CNTN5: variants seen among roughly 807,000 people sequenced by gnomAD.
The protein encoded by CNTN5 is contactin 5, also known as contactin-5.
A neutral mutation model predicts 129.1 loss-of-function variants in CNTN5; 77 were observed. The ratio of observed to expected loss-of-function variants is 0.60; its 90% CI spans 0.50 to 0.72. The LOEUF (loss-of-function observed/expected upper bound fraction) is 0.72. CNTN5 is among the 30% of genes least tolerant of loss of function. The pLI, the probability that CNTN5 is intolerant of heterozygous loss-of-function variation, is 0.00. For missense variants in CNTN5, 1,478 were observed against 1,328.8 expected (o/e 1.11, Z -1.75); for synonymous variants, 509 against 465.6 (o/e 1.09, Z -1.20).
intron 2 of CNTN5, among the ~76,000 whole-genome samples, chr11:99,427,467 A>G (rs1466603803): frequency 1.3e-5 from 2 of 152,156 alleles, no homozygotes; most frequent in African/African-American, 4.8e-5. Context: ...CTTTTGGATT[A>G]AAAGTGAAAA....
At chr11:100,319,921 CTG>C (rs1478625955) in intron 21 of CNTN5, among the ~76,000 whole-genome samples, 1 of 152,166 alleles carries the variant, frequency 6.6e-6, no homozygotes, top group Non-Finnish European at 1.5e-5. Flanking sequence ...TAGAATTTCG[CTG>C]TGTCTATATA....
chr11:99,459,531 G>A (rs372928048), intron 2 of CNTN5, among the ~76,000 whole-genome samples: 2 of 151,998 alleles, frequency 1.3e-5, no homozygotes, highest in African/African-American at 4.8e-5. Flanking sequence ...ACTGAGACTA[G>A]CATGAACTAT....
At chr11:99,530,964 C>T (rs1241644926) in intron 2 of CNTN5, among the ~76,000 whole-genome samples, 3 of 152,132 alleles carry the variant, frequency 2.0e-5, no homozygotes, top group Admixed American at 6.5e-5. Context: ...CCAGTAGAGT[C>T]GGGCGTTGCT....
At chr11:99,430,998 G>GTTT (rs11292397) in intron 2 of CNTN5, among the ~76,000 whole-genome samples, 24,454 of 139,128 alleles carry the variant, frequency 0.18, 2,382 homozygotes, top group Admixed American at 0.22. Context: ...TTTCCTGGCT[G>GTTT]TTTTTTTTTT....
chr11:99,163,979 A>T (rs1009601316), intron 1 of CNTN5, among the ~76,000 whole-genome samples: 2 of 152,220 alleles, frequency 1.3e-5, no homozygotes, highest in African/African-American at 4.8e-5. Flanking sequence ...GACTTTAAAA[A>T]GCTCAGCTGA....
intron 3 of CNTN5, among the ~76,000 whole-genome samples, chr11:99,697,318 A>G (rs920197272): frequency 4.6e-5 from 7 of 150,804 alleles, no homozygotes; most frequent in East Asian, 1.9e-4. Context: ...AAAGAGGGGG[A>G]GAGAGAGAGA....
At chr11:99,413,843 C>T (rs374862209) in intron 2 of CNTN5, among the ~76,000 whole-genome samples, 2 of 152,230 alleles carry the variant, frequency 1.3e-5, no homozygotes, top group South Asian at 4.1e-4. Context: ...GAAAAAAATC[C>T]TTTTATTTAT....
At chr11:99,855,890 A>C (rs1012777080) in intron 6 of CNTN5, among the ~76,000 whole-genome samples, 1 of 152,174 alleles carries the variant, frequency 6.6e-6, no homozygotes, top group South Asian at 2.1e-4. Flanking sequence ...TTTTCATTTC[A>C]TATCCTTAGA....
intron 3 of CNTN5, among the ~76,000 whole-genome samples, chr11:99,654,231 CTGTG>C (rs140259347): frequency 0.023 from 3,536 of 152,136 alleles, 146 homozygotes; most frequent in African/African-American, 0.08. Context: ...TCCACAGTAG[CTGTG>C]TGTATTAGAA....
intron 4 of CNTN5, among the ~76,000 whole-genome samples, chr11:99,835,320 T>C (rs576161440): frequency 6.6e-6 from 1 of 152,334 alleles, no homozygotes; most frequent in Middle Eastern, 3.4e-3. Context: ...CTTGGATTTT[T>C]AACTGTGGTT....
intron 3 of CNTN5, among the ~76,000 whole-genome samples, chr11:99,733,932 C>CT (rs34509497): frequency 1.3e-5 from 2 of 152,268 alleles, no homozygotes; most frequent in East Asian, 1.9e-4. Context: ...GGCCTCACTG[C>CT]TTTTTTTCCC....
At chr11:99,631,983 C>T (rs1037979718) in intron 3 of CNTN5, among the ~76,000 whole-genome samples, 8 of 152,126 alleles carry the variant, frequency 5.3e-5, no homozygotes, top group Admixed American at 2.0e-4. Flanking sequence ...CTTACTGTAC[C>T]TAACTTATAA....
intron 3 of CNTN5, among the ~76,000 whole-genome samples, chr11:99,698,279 A>C (rs1048858282): frequency 1.4e-4 from 5 of 34,926 alleles, no homozygotes; most frequent in African/African-American, 5.8e-4. Context: ...AGAAAAATAA[A>C]GATAAGAATA....
At chr11:99,784,795 G>GTT (rs55715264) in intron 3 of CNTN5, among the ~76,000 whole-genome samples, 978 of 93,760 alleles carry the variant, frequency 0.01, 17 homozygotes, top group African/African-American at 0.015. Flanking sequence ...ATCTCATTGT[G>GTT]TTTTTTTTTT....
chr11:99,464,679 T>C (rs960311497), intron 2 of CNTN5, among the ~76,000 whole-genome samples: 9 of 152,170 alleles, frequency 5.9e-5, no homozygotes, highest in African/African-American at 1.9e-4. Context: ...AACCTACAGA[T>C]TCAATTGGTT....
At chr11:100,019,863 TTTTTGTAA>T (rs1364940130) in intron 9 of CNTN5, among the ~76,000 whole-genome samples, 3 of 152,056 alleles carry the variant, frequency 2.0e-5, no homozygotes, top group African/African-American at 7.2e-5. Context: ...ATCTTTTGTC[TTTTTGTAA>T]AAGTCATTCT....
At chr11:99,687,684 A>G (rs1409363081) in intron 3 of CNTN5, among the ~76,000 whole-genome samples, 1 of 152,196 alleles carries the variant, frequency 6.6e-6, no homozygotes, top group East Asian at 1.9e-4. Context: ...GTGATAATTG[A>G]TACCACTAGA....
At chr11:99,304,464 T>A (rs1864784699) in intron 1 of CNTN5, among the ~76,000 whole-genome samples, 1 of 152,214 alleles carries the variant, frequency 6.6e-6, no homozygotes, top group Non-Finnish European at 1.5e-5. Context: ...TTTAAGTGAA[T>A]GAATCAGGTC....
At chr11:99,346,196 T>A (rs904343032) in intron 2 of CNTN5, among the ~76,000 whole-genome samples, 1 of 152,298 alleles carries the variant, frequency 6.6e-6, no homozygotes, top group East Asian at 1.9e-4. Context: ...ATATAAAGTA[T>A]ATAGAAAGTC....
Sources: allele counts gnomAD v4.1 joint callset (sites outside exome capture counted in the v4.1 genomes callset), GRCh38; gene constraint gnomAD v4.1.1; transcripts MANE v1.5; gene names NCBI Gene and HGNC (gene_info 2026-07-23, HGNC 2026-07-21).